SLC45A1: variants seen among roughly 807,000 people sequenced by gnomAD.
SLC45A1 encodes proton-associated sugar transporter A.
Under a neutral mutation model 57.6 loss-of-function variants are expected in SLC45A1, and 28 were observed. The ratio of observed to expected loss-of-function variants is 0.49; its 90% CI spans 0.36 to 0.67. The LOEUF is 0.67. SLC45A1 is among the 30% of genes least tolerant of loss of function. The pLI is 0.00. For missense variants in SLC45A1, 814 were observed against 1,041.5 expected, an observed-to-expected ratio of 0.78 and a Z score of 3.01; for synonymous variants, 459 against 471.5, an observed-to-expected ratio of 0.97 and a Z score of 0.34.
At position 8,335,715 on chromosome 1, in the gene SLC45A1, A is replaced by T; in HGVS notation, c.1597+125A>T. 9.3e-7 allele frequency: 1 copy of T among 1,079,048 alleles called. No homozygotes were observed. Among genetic ancestry groups the T allele is most frequent in the Non-Finnish European group, 1.3e-6 (1 of 778,938 alleles). The allele number at this position is 1,079,048 out of a possible 1,614,324, so 66.8% of individuals were successfully genotyped here. A position where few individuals can be genotyped will look rare whatever the true frequency, so the allele number is the denominator to read the frequency against. Reference sequence around the variant, plus strand: ...TTTCTGAGTTCACCAGCCCCCAACAACAGCACCAAGGGCAGGCCTGGGGTG... The same window carrying T: ...TTTCTGAGTTCACCAGCCCCCAACATCAGCACCAAGGGCAGGCCTGGGGTG... On this transcript the variant is annotated intron_variant, in intron 6 of 8. Transcript: ENST00000471889. This position sits in a 1 kb window ranked among gnomAD's most constrained non-coding sequence, Gnocchi z 4.1.
chr1:8,324,271 A>G, intron 1 of SLC45A1, 35 bp from the exon 2 acceptor site: 2 of 1,569,376 alleles, frequency 1.3e-6, no homozygotes, highest in Non-Finnish European at 1.7e-6. Context: ...CCCAGGCAAA[A>G]GTAACTGTGG....
Position 8,326,191 on chromosome 1 carries a change from A to C in SLC45A1, c.715+149A>C. On this transcript the variant is annotated intron_variant, in intron 4 of 8. Transcript: ENST00000471889. The surrounding 1 kb of genome is among the most constrained non-coding windows in gnomAD (Gnocchi z 5.5). ...GAAACACTGAAGTGATTGAAAATAC[A>C]TATCTCACACAACACATATCAACCA... is the stretch of plus-strand genomic sequence containing the variant. The C allele has an allele frequency of 1.6e-6, 1 of 641,358 alleles. No homozygotes were observed. Among genetic ancestry groups the C allele is most frequent in the South Asian group, 1.9e-5 (1 of 52,146 alleles). The allele number at this position is 641,358 out of a possible 1,614,324, so 39.7% of individuals were successfully genotyped here.
At chr1:8,319,211 C>T (rs1461871911) in intron 1 of SLC45A1, among the ~76,000 whole-genome samples, 4 of 152,306 alleles carry the variant, frequency 2.6e-5, no homozygotes, top group Middle Eastern at 3.4e-3. Flanking sequence ...ACCCAGGAGG[C>T]GGAGGTTGCA....
In SLC45A1 at chr1:8,330,240, C is replaced by T. The variant is rs769241812; in HGVS notation, c.747C>T (p.Gly249=). 3.7e-6 allele frequency: 6 copies of T among 1,613,800 alleles called. No homozygotes were observed. Among genetic ancestry groups the T allele is most frequent in the African/African-American group, 1.3e-5 (1 of 74,986 alleles). Residue 249 remains glycine (G), a synonymous_variant, in exon 5 of 9, where the codon GGC becomes GGT. Transcript: ENST00000471889. The surrounding 1 kb of genome is among the most constrained non-coding windows in gnomAD (Gnocchi z 8.4). ...GLGGGFGYVV[G]GIHWDKTGFG... is the part of the protein sequence containing the mutation. ...GAGGAGGCTTTGGATACGTGGTCGG[C>T]GGAATCCACTGGGATAAAACGGGCT...
intron 8 of SLC45A1, among the ~76,000 whole-genome samples, chr1:8,342,162 G>A (rs1005178688): frequency 1.7e-4 from 26 of 152,180 alleles, no homozygotes; most frequent in East Asian, 7.7e-4. Flanking sequence ...AGCTGAGATC[G>A]TGCCACTGCA....
Position 8,343,610 on chromosome 1 carries a change from T to C in SLC45A1, c.1981-137T>C. Reference sequence around the variant, plus strand: ...GTTAAACTCTTGGCTGAACTCCCTGTGCATGTTGGCGCTGAAAAATGTGAG... The same window carrying C: ...GTTAAACTCTTGGCTGAACTCCCTGCGCATGTTGGCGCTGAAAAATGTGAG... On this transcript the variant is annotated intron_variant, in intron 8 of 8. Coordinates refer to ENST00000471889, the MANE Select transcript of SLC45A1 (RefSeq NM_001080397.3). The surrounding 1 kb of genome is among the most constrained non-coding windows in gnomAD (Gnocchi z 7.7). 1.2e-6 allele frequency: 1 copy of C among 822,316 alleles called. No individual in the cohort carries two copies. The highest frequency in any genetic ancestry group is 1.9e-6 in the Non-Finnish European group (1 of 522,752). The allele number at this position is 822,316 out of a possible 1,614,324, so 50.9% of individuals were successfully genotyped here.
Position 8,335,932 on chromosome 1 carries a change from C to T in SLC45A1, c.1597+342C>T. ...GAAATGATGGACCCACACCTTCCCA[C>T]CTTCCCACCTTCCAACTTTGTCTTG... On this transcript the variant is annotated intron_variant, in intron 6 of 8. Coordinates refer to ENST00000471889, the MANE Select transcript of SLC45A1 (RefSeq NM_001080397.3). The surrounding 1 kb of genome is among the most constrained non-coding windows in gnomAD (Gnocchi z 4.1). 3.8e-6 allele frequency: 1 copy of T among 265,864 alleles called. No homozygotes were observed. Among genetic ancestry groups the T allele is most frequent in the African/African-American group, 2.2e-5 (1 of 45,538 alleles). 16.5% of individuals were successfully genotyped at this position (265,864 alleles called of 1,614,324 possible).
In SLC45A1 at chr1:8,338,570, CT is replaced by C. The variant is rs1016763793; in HGVS notation, c.1774+584del. Among the ~76,000 whole-genome samples the C allele has an allele frequency of 2.6e-5, 4 of 152,360 alleles. No homozygotes were observed. In the East Asian group the frequency reaches 7.7e-4, roughly 29 times the overall value. On this transcript the variant is annotated intron_variant, in intron 7 of 8. Transcript: ENST00000471889. ...AAATTTTATCCCAGAGGTCCGCATACTTTTTTCGCAAAAGGCCAGAGAGTTG... is the reference window on the plus strand; with the variant it reads ...AAATTTTATCCCAGAGGTCCGCATACTTTTTCGCAAAAGGCCAGAGAGTTG...
At chr1:8,331,594 T>C (rs950374910) in intron 5 of SLC45A1, among the ~76,000 whole-genome samples, 3 of 152,098 alleles carry the variant, frequency 2.0e-5, no homozygotes, top group Admixed American at 6.5e-5. Flanking sequence ...TGACCCATGA[T>C]TGCACCACTG....
chr1:8,332,739 G>A (rs1028982721), intron 5 of SLC45A1, among the ~76,000 whole-genome samples: 3 of 152,042 alleles, frequency 2.0e-5, no homozygotes, highest in Non-Finnish European at 1.5e-5. Context: ...TCGAACTCCT[G>A]GCCTCAAGTG....
Position 8,339,656 on chromosome 1 carries a change from C to G in SLC45A1, c.1938C>G (p.Thr646=), listed in dbSNP as rs367579798. The change falls in exon 8 of 9, where the codon ACC becomes ACG. Residue 646 remains threonine, a synonymous_variant. Coordinates refer to ENST00000471889, the MANE Select transcript of SLC45A1 (RefSeq NM_001080397.3). Reference sequence around the variant, plus strand: ...GGATTTTATTTTCCACCCTGTGCACCTTGCCTTACTCGCTGCTCTGCGATT... The same window carrying G: ...GGATTTTATTTTCCACCCTGTGCACGTTGCCTTACTCGCTGCTCTGCGATT... The part of the protein sequence containing the change: ...TYGILFSTLC[T]LPYSLLCDYY... 30 of 1,614,132 alleles carry G rather than the reference C, an allele frequency of 1.9e-5. No individual in the cohort carries two copies. Among genetic ancestry groups the G allele is most frequent in the Non-Finnish European group, 2.5e-5 (29 of 1,180,054 alleles).
intron 7 of SLC45A1, among the ~76,000 whole-genome samples, 155 bp from the exon 8 acceptor site, chr1:8,339,338 T>TC (rs1640727861): frequency 1.3e-5 from 2 of 152,130 alleles, no homozygotes; most frequent in African/African-American, 4.8e-5. Flanking sequence ...TCCCCTGGGT[T>TC]CCCCAGGAAG....
In SLC45A1 at chr1:8,335,688, C is replaced by A. The variant is rs920029756; in HGVS notation, c.1597+98C>A. 6.7e-5 allele frequency: 90 copies of A among 1,345,220 alleles called. No homozygotes were observed. The highest frequency in any genetic ancestry group is 8.5e-5 in the Non-Finnish European group (85 of 1,005,858). The allele number at this position is 1,345,220 out of a possible 1,614,324, so 83.3% of individuals were successfully genotyped here. A position where few individuals can be genotyped will look rare whatever the true frequency, so the allele number is the denominator to read the frequency against. On this transcript the variant is annotated intron_variant, in intron 6 of 8. Transcript: ENST00000471889. The surrounding 1 kb of genome is among the most constrained non-coding windows in gnomAD (Gnocchi z 4.1). ...TGCCCCTGAGCCTCCCTTCCCAGAA[C>A]CTTTCTGAGTTCACCAGCCCCCAAC... is the stretch of plus-strand genomic sequence containing the variant.
In SLC45A1 at chr1:8,327,403, G is replaced by A. The variant is rs11584036; in HGVS notation, c.715+1361G>A. Reference sequence around the variant, plus strand: ...CATTAGGGACACACAAACAAAAGGTGTGAGGTCAGCCCCACTGGTCTCTGG... The same window carrying A: ...CATTAGGGACACACAAACAAAAGGTATGAGGTCAGCCCCACTGGTCTCTGG... On this transcript the variant is annotated intron_variant, in intron 4 of 8. Transcript: ENST00000471889. This position sits in a 1 kb window ranked among gnomAD's most constrained non-coding sequence, Gnocchi z 4.3. Among the ~76,000 whole-genome samples the A allele has an allele frequency of 0.26, 39,441 of 152,152 alleles. 5,707 individuals carry two copies. Among genetic ancestry groups the A allele is most frequent in the African/African-American group, 0.39 (16,245 of 41,470 alleles).
chr1:8,319,740 A>G (rs1418516755), intron 1 of SLC45A1, among the ~76,000 whole-genome samples: 2 of 152,050 alleles, frequency 1.3e-5, no homozygotes. Context: ...TTTTGAGACA[A>G]GAGTCTCACT....
chr1:8,338,103 A>G, intron 7 of SLC45A1, 111 bp downstream of exon 7: 1 of 992,444 alleles, frequency 1.0e-6, no homozygotes, highest in South Asian at 1.6e-5. Flanking sequence ...CCACATCCCA[A>G]TTTGGGGGAC....
intron 5 of SLC45A1, among the ~76,000 whole-genome samples, chr1:8,331,940 C>T (rs867195008): frequency 9.9e-5 from 15 of 152,094 alleles, no homozygotes; most frequent in African/African-American, 3.6e-4. Context: ...CTACAGGCGC[C>T]CGCCACCACT....
At chr1:8,342,501 G>C (rs935224098) in intron 8 of SLC45A1, among the ~76,000 whole-genome samples, 1 of 152,124 alleles carries the variant, frequency 6.6e-6, no homozygotes, top group Non-Finnish European at 1.5e-5. Flanking sequence ...TATTTGGGAC[G>C]TCTCCTGTGA....
rs778758146 is a variant in SLC45A1 at position 8,337,799 on chromosome 1, C to T, written c.1598-17C>T. ...GGCCTTTGCCCCCGAGGTCATGAAC[C>T]TCTTTCTTTCTTCCAGGGTGGCTCT... is the stretch of plus-strand genomic sequence containing the variant. On this transcript the variant is annotated splice_polypyrimidine_tract_variant and intron_variant, in intron 6 of 8. Transcript: ENST00000471889. The T allele has an allele frequency of 6.2e-6, 10 of 1,609,934 alleles. No individual in the cohort carries two copies. The highest frequency in any genetic ancestry group is 8.5e-6 in the Non-Finnish European group (10 of 1,178,016).
Sources: allele counts gnomAD v4.1 joint callset (sites outside exome capture counted in the v4.1 genomes callset), GRCh38; gene constraint gnomAD v4.1.1; non-coding constraint Gnocchi (gnomAD v3.1); transcripts MANE v1.5; gene names NCBI Gene and HGNC (gene_info 2026-07-23, HGNC 2026-07-21).